AGBL1: variants seen among roughly 807,000 people sequenced by gnomAD.
AGBL1 encodes the protein AGBL carboxypeptidase 1.
In AGBL1, 130 loss-of-function variants were observed where a neutral mutation model predicts 118.9. The observed-to-expected ratio is 1.09, with a 90% CI of 0.95 to 1.26. The LOEUF (loss-of-function observed/expected upper bound fraction) is 1.26, where lower values mean the gene tolerates loss of function less well. AGBL1 is among the 50% of genes most tolerant of loss of function. The pLI, the probability that AGBL1 is intolerant of heterozygous loss-of-function variation, is 0.00. For missense variants in AGBL1, 1,584 were observed against 1,298.1 expected (o/e 1.22, Z -3.38); for synonymous variants, 555 against 478.9 (o/e 1.16, Z -2.08).
chr15:86,972,508 T>C (rs1230910081), intron 23 of AGBL1, among the ~76,000 whole-genome samples: 1 of 152,052 alleles, frequency 6.6e-6, no homozygotes, highest in Non-Finnish European at 1.5e-5. Context: ...AATTTATAAC[T>C]TCTGATTTGA....
At chr15:86,169,897 A>G (rs1296977407) in intron 5 of AGBL1, among the ~76,000 whole-genome samples, 1 of 152,198 alleles carries the variant, frequency 6.6e-6, no homozygotes, top group Non-Finnish European at 1.5e-5. Flanking sequence ...ACTACTTCCA[A>G]GTAAATTAGC....
chr15:86,526,254 C>T (rs960406971), intron 19 of AGBL1, among the ~76,000 whole-genome samples: 10 of 152,022 alleles, frequency 6.6e-5, no homozygotes, highest in Admixed American at 2.0e-4. Context: ...AATGCTTATA[C>T]ACTACCAATG....
intron 17 of AGBL1, among the ~76,000 whole-genome samples, chr15:86,324,504 C>T (rs189344680): frequency 1.9e-4 from 28 of 150,866 alleles, no homozygotes; most frequent in Admixed American, 1.4e-3. Flanking sequence ...TTAGTTTATA[C>T]GGCATTCATT....
intron 24 of AGBL1, chr15:86,988,332 C>T (rs2081304622): frequency 2.9e-6 from 1 of 339,078 alleles, no homozygotes; most frequent in Non-Finnish European, 5.3e-6. Flanking sequence ...GAACTCAGTA[C>T]TTACTATCTG....
At chr15:86,348,568 AG>A in intron 17 of AGBL1, among the ~76,000 whole-genome samples, 1 of 152,278 alleles carries the variant, frequency 6.6e-6, no homozygotes, top group African/African-American at 2.4e-5. Flanking sequence ...TCATGAGGTC[AG>A]GAGTTTGAGA....
At chr15:86,865,746 AT>A (rs2079619091) in intron 22 of AGBL1, among the ~76,000 whole-genome samples, 1 of 151,856 alleles carries the variant, frequency 6.6e-6, no homozygotes, top group African/African-American at 2.4e-5. Context: ...CTGCGCCTTC[AT>A]TTTTTCCCAG....
At chr15:86,337,876 G>T (rs1032880520) in intron 17 of AGBL1, among the ~76,000 whole-genome samples, 1 of 151,990 alleles carries the variant, frequency 6.6e-6, no homozygotes, top group East Asian at 1.9e-4. Context: ...AACAAAAAAT[G>T]CACTTAAAAA....
intron 23 of AGBL1, among the ~76,000 whole-genome samples, chr15:86,968,713 G>A (rs1433614064): frequency 6.6e-6 from 1 of 151,816 alleles, no homozygotes; most frequent in Non-Finnish European, 1.5e-5. Flanking sequence ...AGTCTCTTCA[G>A]GCTGCTATAA....
At chr15:86,316,462 G>A (rs2080011894) in intron 17 of AGBL1, among the ~76,000 whole-genome samples, 1 of 152,170 alleles carries the variant, frequency 6.6e-6, no homozygotes, top group Non-Finnish European at 1.5e-5. Flanking sequence ...TTGGAAGCCT[G>A]ACGGCCCTGG....
chr15:86,593,141 C>T (rs1313629519), intron 21 of AGBL1, among the ~76,000 whole-genome samples: 2 of 152,142 alleles, frequency 1.3e-5, no homozygotes, highest in Admixed American at 1.3e-4. Context: ...CCAGTGTGGT[C>T]ACAGGGAGGC....
chr15:86,301,947 T>C (rs1462648580), intron 17 of AGBL1, among the ~76,000 whole-genome samples: 3 of 152,130 alleles, frequency 2.0e-5, no homozygotes, highest in African/African-American at 4.8e-5. Flanking sequence ...AAGTAAAATA[T>C]ATAAAACGCA....
At chr15:86,916,433 G>A (rs1461069870), downstream of AGBL1, among the ~76,000 whole-genome samples, 1 of 152,168 alleles carries the variant, frequency 6.6e-6, no homozygotes, top group Non-Finnish European at 1.5e-5. Flanking sequence ...GTGTTTGTGT[G>A]TGTGTGTGTG....
chr15:86,305,700 A>G (rs2079828432), intron 17 of AGBL1, among the ~76,000 whole-genome samples: 1 of 152,174 alleles, frequency 6.6e-6, no homozygotes, highest in Non-Finnish European at 1.5e-5. Flanking sequence ...TTTATCCTTT[A>G]ATACACAGAT....
intron 18 of AGBL1, among the ~76,000 whole-genome samples, chr15:86,398,183 G>A (rs1024895683): frequency 1.3e-5 from 2 of 152,132 alleles, no homozygotes; most frequent in African/African-American, 4.8e-5. Flanking sequence ...AGAACTCTTC[G>A]AAATATATGA....
At chr15:86,243,636 A>G (rs2078672061) in intron 6 of AGBL1, among the ~76,000 whole-genome samples, 1 of 152,142 alleles carries the variant, frequency 6.6e-6, no homozygotes, top group Admixed American at 6.5e-5. Context: ...GGTGGGGTAG[A>G]GGAGAGGGTG....
At chr15:87,030,124 C>T (rs926696670), downstream of AGBL1, among the ~76,000 whole-genome samples, 8 of 151,896 alleles carry the variant, frequency 5.3e-5, no homozygotes, top group African/African-American at 1.7e-4. Flanking sequence ...TACTGAACAG[C>T]TCATTTGTGG....
At chr15:86,595,804 A>G (rs1268833097) in intron 21 of AGBL1, among the ~76,000 whole-genome samples, 1 of 152,090 alleles carries the variant, frequency 6.6e-6, no homozygotes, top group Non-Finnish European at 1.5e-5. Flanking sequence ...TAAGGTTTTT[A>G]TGGATAATTT....
intron 21 of AGBL1, among the ~76,000 whole-genome samples, chr15:86,561,321 A>G (rs1461430542): frequency 6.6e-6 from 1 of 152,170 alleles, no homozygotes; most frequent in Non-Finnish European, 1.5e-5. Flanking sequence ...ATCCATCTTG[A>G]ATGAATTTTT....
rs544881001 is a variant in AGBL1, at chr15:86,543,523, T to C, written c.2686-2479T>C. ...CTGTGACTTTTTCAGACCAAAATGATCTTTGGACCCCAAACTTCTACATCA... is the reference window on the plus strand; with the variant it reads ...CTGTGACTTTTTCAGACCAAAATGACCTTTGGACCCCAAACTTCTACATCA... On this transcript the variant is annotated intron_variant, in intron 19 of 22. Coordinates refer to ENST00000614907, the MANE Select transcript of AGBL1 (RefSeq NM_001386094.1). 2.6e-5 allele frequency among the ~76,000 whole-genome samples: 4 copies of C among 152,332 alleles called. No individual in the cohort carries two copies. In the East Asian group the frequency reaches 7.7e-4, roughly 29 times the overall value.
Sources: allele counts gnomAD v4.1 joint callset (sites outside exome capture counted in the v4.1 genomes callset), GRCh38; gene constraint gnomAD v4.1.1; transcripts MANE v1.5; gene names NCBI Gene and HGNC (gene_info 2026-07-23, HGNC 2026-07-21).